The following RTN4IP1 variants were observed in gnomAD, a reference collection of about 807,000 sequenced individuals.
RTN4IP1 encodes NAD(P)H oxidoreductase RTN4IP1, mitochondrial.
Under a neutral mutation model 46.6 loss-of-function variants are expected in RTN4IP1, and 32 were observed. The ratio of observed to expected loss-of-function variants is 0.69; its 90% CI spans 0.52 to 0.92. The LOEUF (loss-of-function observed/expected upper bound fraction) is 0.92. Among genes scored for constraint, RTN4IP1 ranks in the 40% least tolerant of loss-of-function variants. The pLI, the probability that RTN4IP1 is intolerant of heterozygous loss-of-function variation, is 0.00. For missense variants in RTN4IP1, 424 were observed against 485.8 expected, an observed-to-expected ratio of 0.87 and a Z score of 1.20; for synonymous variants, 167 against 161.8, an observed-to-expected ratio of 1.03 and a Z score of -0.24.
chr6:106,616,707 T>C (rs552699394), intron 4 of RTN4IP1, among the ~76,000 whole-genome samples: 2 of 152,206 alleles, frequency 1.3e-5, no homozygotes, highest in African/African-American at 2.4e-5. Flanking sequence ...CAATAAAATC[T>C]CATTATAGAA....
At position 106,587,779 on chromosome 6, in the gene RTN4IP1, T is replaced by A. The variant is rs749329916; in HGVS notation, c.890A>T (p.Tyr297Phe). 23 of 1,613,886 alleles carry A rather than the reference T, an allele frequency of 1.4e-5. No individual in the cohort carries two copies. The change falls in exon 7 of 9, where the codon TAT becomes TTT. Residue 297 changes from tyrosine to phenylalanine, a missense_variant. Transcript: ENST00000369063. The part of the protein sequence containing the change: ...DFLKKWSGAT[Y>F]VTLVTPFLLN... ...GAGGAAAGGAGTCACCAAAGTCACA[T>A]AGGTGGCTCCTGACCATTTCTTGAG...
In RTN4IP1 at chr6:106,592,311, C is replaced by T; in HGVS notation, c.670-11G>A. 10 of 1,597,138 alleles carry T rather than the reference C, an allele frequency of 6.3e-6. No individual in the cohort carries two copies. Among genetic ancestry groups the T allele is most frequent in the Non-Finnish European group, 8.5e-6 (10 of 1,175,540 alleles). On this transcript the variant is annotated splice_polypyrimidine_tract_variant and intron_variant, in intron 5 of 8. Coordinates refer to ENST00000369063, the MANE Select transcript of RTN4IP1 (RefSeq NM_032730.5). ...CCATGCTTTCATTACCTGCCCCCCA[C>T]CAAAAAGAAAAAAAGAATAAAAAAG...
intron 8 of RTN4IP1, among the ~76,000 whole-genome samples, chr6:106,574,058 T>A (rs1582852865): frequency 6.6e-6 from 1 of 152,210 alleles, no homozygotes; most frequent in African/African-American, 2.4e-5. Flanking sequence ...AGACGAAGCC[T>A]ATTTGTCTTC....
At chr6:106,589,153 G>A (rs1231410044) in intron 6 of RTN4IP1, among the ~76,000 whole-genome samples, 16 of 75,786 alleles carry the variant, frequency 2.1e-4, no homozygotes, top group East Asian at 1.2e-3. Context: ...AAGAGGAAGA[G>A]GAAGGAGGAG....
chr6:106,608,180 G>A (rs940399150), intron 4 of RTN4IP1, among the ~76,000 whole-genome samples: 38 of 152,198 alleles, frequency 2.5e-4, no homozygotes, highest in African/African-American at 9.2e-4. Context: ...TCTGTCATTT[G>A]TGGCAACAGG....
chr6:106,611,762 A>G (rs1776230564), intron 4 of RTN4IP1, among the ~76,000 whole-genome samples: 2 of 152,346 alleles, frequency 1.3e-5, no homozygotes, highest in South Asian at 4.1e-4. Context: ...TCTTCTTCTA[A>G]GCCTCTGTAA....
intron 8 of RTN4IP1, among the ~76,000 whole-genome samples, chr6:106,579,936 C>T (rs974515969): frequency 3.3e-5 from 5 of 151,712 alleles, no homozygotes; most frequent in African/African-American, 7.3e-5. Context: ...TAGTTTAGGC[C>T]GGGCGCAGTG....
intron 4 of RTN4IP1, among the ~76,000 whole-genome samples, chr6:106,616,466 AT>A (rs2114673639): frequency 6.6e-6 from 1 of 152,174 alleles, no homozygotes; most frequent in African/African-American, 2.4e-5. Flanking sequence ...GTCATTGTTA[AT>A]TTTGTTTTTT....
intron 5 of RTN4IP1, among the ~76,000 whole-genome samples, chr6:106,598,258 G>C (rs1433707802): frequency 6.6e-6 from 1 of 152,166 alleles, no homozygotes; most frequent in African/African-American, 2.4e-5. Flanking sequence ...CTAGATCCCT[G>C]AGGAATCGCC....
At chr6:106,587,022 G>A (rs750912355) in intron 7 of RTN4IP1, among the ~76,000 whole-genome samples, 1 of 152,156 alleles carries the variant, frequency 6.6e-6, no homozygotes, top group African/African-American at 2.4e-5. Context: ...ATTAATAGCT[G>A]GAGTTTCAAA....
intron 7 of RTN4IP1, among the ~76,000 whole-genome samples, chr6:106,586,389 T>G (rs1775484617): frequency 6.6e-6 from 1 of 152,124 alleles, no homozygotes; most frequent in Non-Finnish European, 1.5e-5. Flanking sequence ...TTTGTTTTTT[T>G]TTTGAGACAA....
intron 7 of RTN4IP1, among the ~76,000 whole-genome samples, chr6:106,586,868 C>A (rs1775499353): frequency 6.6e-6 from 1 of 152,120 alleles, no homozygotes; most frequent in Admixed American, 6.5e-5. Context: ...GGCTCATCTG[C>A]CCTAGTCTCC....
intron 4 of RTN4IP1, among the ~76,000 whole-genome samples, chr6:106,613,874 A>G (rs1413787838): frequency 6.6e-6 from 1 of 152,130 alleles, no homozygotes; most frequent in Non-Finnish European, 1.5e-5. Flanking sequence ...CAGACATTCC[A>G]TTTCACTTAT....
intron 4 of RTN4IP1, among the ~76,000 whole-genome samples, chr6:106,604,142 C>T (rs1449697548): frequency 2.0e-5 from 3 of 152,156 alleles, no homozygotes; most frequent in Non-Finnish European, 4.4e-5. Context: ...TTGGAACACG[C>T]ATTCTATCTA....
chr6:106,590,115 C>T (rs930986120), intron 6 of RTN4IP1, among the ~76,000 whole-genome samples: 10 of 151,496 alleles, frequency 6.6e-5, no homozygotes, highest in African/African-American at 2.2e-4. Flanking sequence ...GCCAGGGGTT[C>T]AAGACCAGCC....
In RTN4IP1 at chr6:106,619,684, T is replaced by C. The variant is rs188033613; in HGVS notation, c.496-358A>G. The stretch of plus-strand genomic sequence containing the variant: ...TGGACTGCAGTGGCGTGATCTCGGC[T>C]CACTGCAAGCTCCGCCTCCCGGGTT... On this transcript the variant is annotated intron_variant, in intron 3 of 8. Coordinates refer to ENST00000369063, the MANE Select transcript of RTN4IP1 (RefSeq NM_032730.5). Among the ~76,000 whole-genome samples the C allele has an allele frequency of 8.4e-3, 1,226 of 146,438 alleles. 27 individuals carry two copies. Among genetic ancestry groups the C allele is most frequent in the African/African-American group, 0.029 (1,161 of 39,728 alleles).
chr6:106,615,188 TG>T (rs1776318992), intron 4 of RTN4IP1, among the ~76,000 whole-genome samples: 1 of 151,998 alleles, frequency 6.6e-6, no homozygotes, highest in Admixed American at 6.6e-5. Context: ...GTAATGGGCT[TG>T]GGGAGTGGGA....
intron 5 of RTN4IP1, among the ~76,000 whole-genome samples, chr6:106,597,930 G>A (rs1443450314): frequency 6.6e-6 from 1 of 152,000 alleles, no homozygotes; most frequent in Non-Finnish European, 1.5e-5. Context: ...CCACCTATGA[G>A]TGAGAATATG....
At chr6:106,619,363 C>T (rs1309509869) in intron 3 of RTN4IP1, 37 bp from the exon 4 acceptor site, 1 of 1,612,512 alleles carries the variant, frequency 6.2e-7, no homozygotes, top group East Asian at 2.2e-5. Context: ...TAAGCAATGA[C>T]TTGCAAACCT....
Sources: gnomAD v4.1 joint callset for allele counts (sites outside exome capture counted in the v4.1 genomes callset) on GRCh38, gnomAD v4.1.1 for gene constraint, MANE v1.5 for transcripts, NCBI Gene and HGNC (gene_info 2026-07-23, HGNC 2026-07-21) for gene names.